The following AGBL1 variants were observed in gnomAD, a reference collection of about 807,000 sequenced individuals.
AGBL1 encodes the protein cytosolic carboxypeptidase 4.
In AGBL1, 130 loss-of-function variants were observed where a neutral mutation model predicts 118.9. The observed-to-expected ratio is 1.09, with a 90% CI of 0.95 to 1.26. AGBL1 has a LOEUF of 1.26. Ranked by LOEUF, AGBL1 falls within the 50% of genes most tolerant of loss-of-function variation. AGBL1 has a pLI of 0.00. For missense variants in AGBL1, 1,584 were observed against 1,298.1 expected, an observed-to-expected ratio of 1.22 and a Z score of -3.38; for synonymous variants, 555 against 478.9, an observed-to-expected ratio of 1.16 and a Z score of -2.08.
intron 3 of AGBL1, among the ~76,000 whole-genome samples, chr15:86,150,832 A>G (rs1277098828): frequency 2.0e-5 from 3 of 152,234 alleles, no homozygotes; most frequent in Non-Finnish European, 4.4e-5. Flanking sequence ...ATTTTAGAAC[A>G]ATATCCCTGA....
rs184930665 is a variant in AGBL1, at chr15:86,854,971, C to G, written c.3159-52116C>G. Among the ~76,000 whole-genome samples the G allele has an allele frequency of 1.1e-4, 16 of 152,270 alleles. No homozygotes were observed. The East Asian group carries it at 2.7e-3, about 26-fold the overall frequency. On this transcript the variant is annotated intron_variant, in intron 22 of 22. Coordinates refer to ENST00000614907, the MANE Select transcript of AGBL1 (RefSeq NM_001386094.1). The stretch of plus-strand genomic sequence containing the variant: ...ATAGTTGTGATTTGCTACACCCCCC[C>G]ACTGGTCCTAGTTTAGTGGCCCATC...
intron 3 of AGBL1, among the ~76,000 whole-genome samples, chr15:86,146,760 T>C (rs1003803722): frequency 6.6e-6 from 1 of 151,880 alleles, no homozygotes; most frequent in African/African-American, 2.4e-5. Context: ...AGAACAGAAA[T>C]GAGGTTGGCT....
At chr15:86,885,035 A>G (rs993475555) in intron 22 of AGBL1, among the ~76,000 whole-genome samples, 1 of 152,156 alleles carries the variant, frequency 6.6e-6, no homozygotes, top group Non-Finnish European at 1.5e-5. Flanking sequence ...CTATTTTACA[A>G]TGCTATTTTT....
chr15:86,566,613 A>G (rs1403829375), intron 21 of AGBL1, among the ~76,000 whole-genome samples: 1 of 152,004 alleles, frequency 6.6e-6, no homozygotes, highest in African/African-American at 2.4e-5. Flanking sequence ...TCAGAGAACC[A>G]TGGCTCTCAC....
At position 86,911,779 on chromosome 15, in the gene AGBL1, C is replaced by T. The variant is rs951570007; in HGVS notation, c.*4485C>T. 1 of 152,188 alleles carries T rather than the reference C, an allele frequency of 6.6e-6. No homozygotes were observed. Among genetic ancestry groups the T allele is most frequent in the Admixed American group, 6.5e-5 (1 of 15,274 alleles). 9.4% of individuals were successfully genotyped at this position (152,188 alleles called of 1,614,324 possible). On this transcript the variant is annotated 3_prime_UTR_variant, in exon 23 of 23. Transcript: ENST00000614907. ...TATCAAAACTCAGTTCAAATATCAC[C>T]TTTCTTCTATAAAACTTGTCCTCAT... is the stretch of plus-strand genomic sequence containing the variant.
intron 5 of AGBL1, among the ~76,000 whole-genome samples, chr15:86,189,023 C>A (rs891487917): frequency 3.3e-5 from 5 of 152,078 alleles, no homozygotes; most frequent in Admixed American, 6.6e-5. Context: ...GGAAAAAAGC[C>A]TCAATTTTTG....
chr15:86,516,899 C>T (rs1031471422), intron 18 of AGBL1, among the ~76,000 whole-genome samples: 1 of 151,990 alleles, frequency 6.6e-6, no homozygotes, highest in African/African-American at 2.4e-5. Flanking sequence ...TGGCTCATCA[C>T]TTAATCTGGT....
intron 5 of AGBL1, among the ~76,000 whole-genome samples, chr15:86,177,945 A>G (rs112198640): frequency 5.9e-5 from 9 of 152,202 alleles, no homozygotes; most frequent in Admixed American, 3.9e-4. Context: ...GAATAGAAAT[A>G]AATAAAATTA....
chr15:86,619,793 G>A (rs929088166), intron 21 of AGBL1, among the ~76,000 whole-genome samples: 3 of 152,162 alleles, frequency 2.0e-5, no homozygotes, highest in Non-Finnish European at 4.4e-5. Context: ...TGGGATTTAG[G>A]GAAGGCCTCA....
At chr15:86,501,871 T>G (rs964016948) in intron 18 of AGBL1, among the ~76,000 whole-genome samples, 2 of 151,656 alleles carry the variant, frequency 1.3e-5, no homozygotes, top group African/African-American at 4.8e-5. Context: ...AATTCGGAAG[T>G]GTGAGTCCTC....
At chr15:86,649,603 T>C (rs933660194) in intron 21 of AGBL1, among the ~76,000 whole-genome samples, 4 of 152,086 alleles carry the variant, frequency 2.6e-5, no homozygotes, top group African/African-American at 9.7e-5. Context: ...GATTGGCTGA[T>C]CATATCAGTC....
chr15:86,689,799 G>A (rs1010624967), intron 22 of AGBL1, among the ~76,000 whole-genome samples: 4 of 152,106 alleles, frequency 2.6e-5, no homozygotes, highest in African/African-American at 9.7e-5. Context: ...AATCTTTACA[G>A]ATTGAAATGA....
At chr15:86,815,725 G>A (rs752162024) in intron 22 of AGBL1, among the ~76,000 whole-genome samples, 2 of 140,350 alleles carry the variant, frequency 1.4e-5, no homozygotes, top group Non-Finnish European at 3.4e-5. Flanking sequence ...TTAGAGAGAA[G>A]CAAAATCCCA....
intron 19 of AGBL1, among the ~76,000 whole-genome samples, chr15:86,537,747 A>C (rs1160847775): frequency 6.6e-6 from 1 of 152,218 alleles, no homozygotes; most frequent in Non-Finnish European, 1.5e-5. Flanking sequence ...GTCCATCTGC[A>C]AGTTGCTTAA....
intron 22 of AGBL1, among the ~76,000 whole-genome samples, chr15:86,867,741 G>GAT (rs2079652648): frequency 1.3e-5 from 2 of 152,276 alleles, no homozygotes; most frequent in South Asian, 4.1e-4. Flanking sequence ...AAAGAAGTAG[G>GAT]ATATATGTTG....
At chr15:86,208,013 T>C (rs2078023939) in intron 5 of AGBL1, among the ~76,000 whole-genome samples, 1 of 33,024 alleles carries the variant, frequency 3.0e-5, no homozygotes, top group African/African-American at 1.1e-4. Flanking sequence ...ATTGAGAGTT[T>C]TTTTTTTTAG....
chr15:86,204,747 G>T (rs770000563), intron 5 of AGBL1, among the ~76,000 whole-genome samples: 5 of 152,008 alleles, frequency 3.3e-5, no homozygotes, highest in Non-Finnish European at 5.9e-5. Flanking sequence ...GCACCACCAT[G>T]CCCAGCTAAT....
At chr15:86,398,685 A>T (rs569769225) in intron 18 of AGBL1, among the ~76,000 whole-genome samples, 1 of 152,304 alleles carries the variant, frequency 6.6e-6, no homozygotes, top group East Asian at 1.9e-4. Flanking sequence ...AGATGAAATA[A>T]TTCAATTTTT....
chr15:86,848,455 T>C (rs1180760513), intron 22 of AGBL1, among the ~76,000 whole-genome samples: 1 of 152,208 alleles, frequency 6.6e-6, no homozygotes, highest in East Asian at 1.9e-4. Context: ...TAATTAGACA[T>C]GAAATTCTCT....
Sources: gnomAD v4.1 joint callset for allele counts (sites outside exome capture counted in the v4.1 genomes callset) on GRCh38, gnomAD v4.1.1 for gene constraint, MANE v1.5 for transcripts, NCBI Gene and HGNC (gene_info 2026-07-23, HGNC 2026-07-21) for gene names.